CFAP90: variants seen among roughly 807,000 people sequenced by gnomAD.
CFAP90 encodes the protein cilia- and flagella-associated protein 90.
chr5:7,838,555 C>A, the CFAP90 span, among the ~76,000 whole-genome samples: 3 of 152,310 alleles, frequency 2.0e-5, no homozygotes, highest in Non-Finnish European at 4.4e-5. Flanking sequence ...GCCACCCAGA[C>A]CTTTCCTTTG....
At chr5:7,831,841 G>T in the CFAP90 span, 1 of 1,602,710 alleles carries the variant, frequency 6.2e-7, no homozygotes, top group Non-Finnish European at 8.5e-7. Context: ...TGTGGGCCAC[G>T]GGGATGCTTC....
chr5:7,843,975 G>A, the CFAP90 span, among the ~76,000 whole-genome samples: 16 of 152,090 alleles, frequency 1.1e-4, no homozygotes, highest in Admixed American at 2.6e-4. Context: ...TCACACAGGA[G>A]TTTTGATTCA....
At chr5:7,832,960 A>G in the CFAP90 span, among the ~76,000 whole-genome samples, 1 of 152,200 alleles carries the variant, frequency 6.6e-6, no homozygotes, top group Non-Finnish European at 1.5e-5. Context: ...CTTGGAAGAA[A>G]TGTTCTCGTG....
chr5:7,835,158 C>A, the CFAP90 span, among the ~76,000 whole-genome samples: 4 of 152,206 alleles, frequency 2.6e-5, no homozygotes, highest in African/African-American at 7.2e-5. Flanking sequence ...TTTGTAAATA[C>A]TTTATTGTTA....
chr5:7,845,726 T>C, the CFAP90 span, among the ~76,000 whole-genome samples: 1 of 152,072 alleles, frequency 6.6e-6, no homozygotes, highest in Non-Finnish European at 1.5e-5. Flanking sequence ...AACCATATTT[T>C]ATGGGCAAAG....
chr5:7,850,100 A>G, the CFAP90 span, among the ~76,000 whole-genome samples: 2 of 152,004 alleles, frequency 1.3e-5, no homozygotes, highest in African/African-American at 4.8e-5. Flanking sequence ...CGCGACTCCC[A>G]GCCCCTGATC....
chr5:7,843,186 T>G, the CFAP90 span, among the ~76,000 whole-genome samples: 1 of 152,198 alleles, frequency 6.6e-6, no homozygotes, highest in Non-Finnish European at 1.5e-5. Flanking sequence ...GGGCCTCAAT[T>G]TACTTCTAAT....
chr5:7,842,134 C>T, the CFAP90 span, among the ~76,000 whole-genome samples: 7 of 152,024 alleles, frequency 4.6e-5, no homozygotes, highest in East Asian at 1.4e-3. Flanking sequence ...AGCCATCGTG[C>T]CCCATGACTC....
chr5:7,832,156 G>C, the CFAP90 span: 2 of 871,114 alleles, frequency 2.3e-6, no homozygotes, highest in African/African-American at 3.3e-5. Context: ...GACCAAGAGG[G>C]AACCTCCACG....
the CFAP90 span, among the ~76,000 whole-genome samples, chr5:7,849,536 C>T: frequency 1.3e-5 from 2 of 152,186 alleles, no homozygotes; most frequent in African/African-American, 4.8e-5. Flanking sequence ...GTAATGACTC[C>T]CCTGCCCCTG....
At chr5:7,835,917 C>T in the CFAP90 span, among the ~76,000 whole-genome samples, 2 of 152,160 alleles carry the variant, frequency 1.3e-5, no homozygotes, top group African/African-American at 4.8e-5. Flanking sequence ...GTGTATTTCT[C>T]ACAGTCCTGG....
At chr5:7,833,638 TACAC>T in the CFAP90 span, among the ~76,000 whole-genome samples, 16 of 152,036 alleles carry the variant, frequency 1.1e-4, no homozygotes, top group Admixed American at 3.3e-4. Flanking sequence ...CATATATACA[TACAC>T]ACATGTACAC....
chr5:7,836,762 G>T, the CFAP90 span, among the ~76,000 whole-genome samples: 1 of 152,152 alleles, frequency 6.6e-6, no homozygotes, highest in African/African-American at 2.4e-5. Context: ...ACTCAGGGAA[G>T]GTACCAGGGG....
chr5:7,835,384 C>A, the CFAP90 span: 1 of 1,546,484 alleles, frequency 6.5e-7, no homozygotes, highest in Non-Finnish European at 8.9e-7. Flanking sequence ...AATATTACCT[C>A]TTCGTTAACA....
chr5:7,847,365 G>A, the CFAP90 span, among the ~76,000 whole-genome samples: 5 of 152,106 alleles, frequency 3.3e-5, no homozygotes, highest in Non-Finnish European at 7.4e-5. Context: ...GAAAAAAATT[G>A]TTTTTTCAAA....
the CFAP90 span, chr5:7,850,802 GCC>G: frequency 1.5e-6 from 1 of 651,126 alleles, no homozygotes; most frequent in Non-Finnish European, 1.8e-6. Flanking sequence ...CCGCCCAGCC[GCC>G]CAGCCGCCCA....
chr5:7,835,204 G>A, the CFAP90 span, among the ~76,000 whole-genome samples: 4 of 152,096 alleles, frequency 2.6e-5, no homozygotes, highest in Non-Finnish European at 5.9e-5. Context: ...GTGAGCACAC[G>A]CTGTTGGAAA....
chr5:7,838,307 C>T, the CFAP90 span, among the ~76,000 whole-genome samples: 1 of 137,698 alleles, frequency 7.3e-6, no homozygotes, highest in Admixed American at 7.7e-5. Context: ...TAGACATCTG[C>T]TTATCAAATA....
chr5:7,832,453 C>A, the CFAP90 span, among the ~76,000 whole-genome samples: 2 of 152,044 alleles, frequency 1.3e-5, no homozygotes, highest in Non-Finnish European at 2.9e-5. Flanking sequence ...CACATGGCTT[C>A]CTCTTCCCTC....
Sources: gnomAD v4.1 joint callset for allele counts (sites outside exome capture counted in the v4.1 genomes callset) on GRCh38, gnomAD v4.1.1 for gene constraint, MANE v1.5 for transcripts, NCBI Gene and HGNC (gene_info 2026-07-23, HGNC 2026-07-21) for gene names.